Variants in SPATA17 observed in about 807,000 individuals in gnomAD.
SPATA17 encodes the protein spermatogenesis associated 17.
In SPATA17, 53 loss-of-function variants were observed where a neutral mutation model predicts 62.2. That is an observed-to-expected ratio of 0.85 (90% confidence interval 0.68 to 1.07). The LOEUF (loss-of-function observed/expected upper bound fraction) is 1.07. Among genes scored for constraint, SPATA17 ranks in the 50% least tolerant of loss-of-function variants. The pLI is 0.00. For missense variants in SPATA17, 466 were observed against 425.5 expected, an observed-to-expected ratio of 1.10 and a Z score of -0.84; for synonymous variants, 146 against 146.8, an observed-to-expected ratio of 0.99 and a Z score of 0.04.
intron 7 of SPATA17, among the ~76,000 whole-genome samples, chr1:217,775,612 G>A (rs1673568500): frequency 6.6e-6 from 1 of 152,062 alleles, no homozygotes; most frequent in Admixed American, 6.6e-5. Flanking sequence ...TGAGGCAGGA[G>A]AATCACTTGA....
intron 5 of SPATA17, among the ~76,000 whole-genome samples, chr1:217,729,162 G>GT (rs1422235655): frequency 6.6e-6 from 1 of 152,212 alleles, no homozygotes; most frequent in East Asian, 1.9e-4. Context: ...TCTATCTGCA[G>GT]TAAACAGCTG....
rs567909088 is a variant in SPATA17, at chr1:217,819,989, G to A, written c.1005+18139G>A. ...CTGTTTTAAATACCCCAGAGAAAAA[G>A]GTCATATATCGATAAGACTGGATAG... On this transcript the variant is annotated intron_variant, in intron 9 of 10. Coordinates refer to ENST00000366933, the MANE Select transcript of SPATA17 (RefSeq NM_138796.4). Among the ~76,000 whole-genome samples the A allele has an allele frequency of 3.9e-5, 6 of 152,072 alleles. No individual in the cohort carries two copies. In the South Asian group the frequency reaches 6.2e-4, roughly 16 times the overall value.
At chr1:217,707,047 C>G (rs1671753189) in intron 5 of SPATA17, among the ~76,000 whole-genome samples, 1 of 151,748 alleles carries the variant, frequency 6.6e-6, no homozygotes, top group Non-Finnish European at 1.5e-5. Flanking sequence ...TTGTATTTTT[C>G]GTAGAGACAG....
chr1:217,772,664 G>A (rs994984395), intron 6 of SPATA17, among the ~76,000 whole-genome samples: 7 of 152,170 alleles, frequency 4.6e-5, no homozygotes, highest in African/African-American at 1.4e-4. Flanking sequence ...AGGTTTTCAC[G>A]GGCCTTTCTG....
At chr1:217,754,811 C>A (rs2102958296) in intron 6 of SPATA17, among the ~76,000 whole-genome samples, 1 of 152,214 alleles carries the variant, frequency 6.6e-6, no homozygotes, top group African/African-American at 2.4e-5. Context: ...ACCCTCCCTA[C>A]TCTGTGCACT....
chr1:217,855,586 C>T (rs966285661), intron 9 of SPATA17, among the ~76,000 whole-genome samples: 25 of 151,946 alleles, frequency 1.6e-4, no homozygotes, highest in African/African-American at 6.0e-4. Context: ...ATACATATGC[C>T]ACTGAATACA....
intron 6 of SPATA17, among the ~76,000 whole-genome samples, chr1:217,744,787 C>T (rs1239441927): frequency 6.6e-6 from 1 of 152,150 alleles, no homozygotes; most frequent in Non-Finnish European, 1.5e-5. Context: ...AGCTCTCCCA[C>T]TAAGGGTAAT....
intron 5 of SPATA17, among the ~76,000 whole-genome samples, chr1:217,687,666 A>G (rs1040040363): frequency 6.6e-6 from 1 of 152,190 alleles, no homozygotes; most frequent in Non-Finnish European, 1.5e-5. Flanking sequence ...AGTAGGCTAT[A>G]CTATCTAGGT....
At chr1:217,783,505 T>A (rs538948371) in intron 8 of SPATA17, among the ~76,000 whole-genome samples, 1 of 152,088 alleles carries the variant, frequency 6.6e-6, no homozygotes, top group Non-Finnish European at 1.5e-5. Context: ...AGGAACTTTT[T>A]TTCCAATTAG....
intron 9 of SPATA17, among the ~76,000 whole-genome samples, chr1:217,846,498 A>G (rs997734868): frequency 6.6e-6 from 1 of 152,024 alleles, no homozygotes; most frequent in Non-Finnish European, 1.5e-5. Context: ...CTTATTTGTT[A>G]ATAAAGATGC....
At chr1:217,686,424 T>G (rs1671215468) in intron 5 of SPATA17, among the ~76,000 whole-genome samples, 1 of 152,152 alleles carries the variant, frequency 6.6e-6, no homozygotes, top group East Asian at 1.9e-4. Context: ...GTACTTTAGT[T>G]GTTTTAGTCC....
chr1:217,834,038 A>C (rs1159017464), intron 9 of SPATA17, among the ~76,000 whole-genome samples: 1 of 152,166 alleles, frequency 6.6e-6, no homozygotes, highest in Non-Finnish European at 1.5e-5. Context: ...GTCACCCGCC[A>C]CATAATGACG....
At chr1:217,635,036 T>C (rs562007490) in intron 1 of SPATA17, among the ~76,000 whole-genome samples, 1 of 152,352 alleles carries the variant, frequency 6.6e-6, no homozygotes, top group South Asian at 2.1e-4. Context: ...CACTGTACTT[T>C]GTGGAGAAAA....
At chr1:217,669,233 C>T in intron 4 of SPATA17, 150 bp downstream of exon 4, 1 of 631,768 alleles carries the variant, frequency 1.6e-6, no homozygotes, top group Non-Finnish European at 2.7e-6. Flanking sequence ...GTTAGTTATG[C>T]TAAATAATCT....
At chr1:217,811,812 T>C (rs969850776) in intron 9 of SPATA17, among the ~76,000 whole-genome samples, 3 of 152,180 alleles carry the variant, frequency 2.0e-5, no homozygotes, top group Non-Finnish European at 2.9e-5. Flanking sequence ...ACTTTACAAT[T>C]TGATTTGATA....
At chr1:217,735,189 A>C (rs1415926238) in intron 5 of SPATA17, among the ~76,000 whole-genome samples, 1 of 152,224 alleles carries the variant, frequency 6.6e-6, no homozygotes, top group East Asian at 1.9e-4. Context: ...GACCGGTCTT[A>C]GTCAGTTTGG....
chr1:217,859,161 T>C (rs1675845126), intron 9 of SPATA17, among the ~76,000 whole-genome samples: 1 of 146,574 alleles, frequency 6.8e-6, no homozygotes, highest in Non-Finnish European at 1.5e-5. Flanking sequence ...ATATATAATA[T>C]ATAAAATTTT....
At position 217,870,929 on chromosome 1, in the gene SPATA17, AAAG is replaced by A. The variant is rs1232194125; in HGVS notation, c.*3914_*3916del. The A allele has an allele frequency of 6.6e-6, 1 of 152,220 alleles. No individual in the cohort carries two copies. Among genetic ancestry groups the A allele is most frequent in the African/African-American group, 2.4e-5 (1 of 41,466 alleles). The allele number at this position is 152,220 out of a possible 1,614,324, so 9.4% of individuals were successfully genotyped here. A position where few individuals can be genotyped will look rare whatever the true frequency, so the allele number is the denominator to read the frequency against. ...TCCATCGAATGTGCTAATGATAAAT[AAAG>A]AAGTTCAAAAAAATCTTTTAATAGA... On this transcript the variant is annotated 3_prime_UTR_variant, in exon 11 of 11. Transcript: ENST00000366933.
intron 8 of SPATA17, among the ~76,000 whole-genome samples, chr1:217,796,022 T>C (rs1674145198): frequency 6.6e-6 from 1 of 151,820 alleles, no homozygotes; most frequent in South Asian, 2.1e-4. Context: ...GGTCTCAAAC[T>C]CCTGGGCTCA....
Sources: allele counts gnomAD v4.1 joint callset (sites outside exome capture counted in the v4.1 genomes callset), GRCh38; gene constraint gnomAD v4.1.1; transcripts MANE v1.5; gene names NCBI Gene and HGNC (gene_info 2026-07-23, HGNC 2026-07-21).